The following TLN2 variants were observed in gnomAD, a reference collection of about 807,000 sequenced individuals.
TLN2 encodes the protein talin-2.
In TLN2, 118 loss-of-function variants were observed where a neutral mutation model predicts 294.7. That is an observed-to-expected ratio of 0.40 (90% CI 0.34 to 0.47). The LOEUF (loss-of-function observed/expected upper bound fraction) is 0.47. TLN2 is among the 20% of genes least tolerant of loss of function. The pLI, the probability that TLN2 is intolerant of heterozygous loss-of-function variation, is 0.84. For synonymous variants in TLN2, 1,431 were observed against 1,304.5 expected (o/e 1.10, Z -2.09); for missense variants, 3,083 against 3,282.2 (o/e 0.94, Z 1.48).
chr15:62,804,930 C>G (rs143882102), intron 50 of TLN2, among the ~76,000 whole-genome samples: 1 of 152,038 alleles, frequency 6.6e-6, no homozygotes, highest in South Asian at 2.1e-4. Context: ...TGTTAGAGAG[C>G]CAGAACAGAT....
intron 54 of TLN2, chr15:62,827,580 T>G (rs1596153887): frequency 6.6e-6 from 1 of 152,326 alleles, no homozygotes; most frequent in African/African-American, 2.4e-5. Flanking sequence ...GGTTGGGTGC[T>G]GAGAGAGGAG....
rs368916768 is a variant in TLN2 at position 62,510,489 on chromosome 15, T to G, written c.-237-79198T>G. On this transcript the variant is annotated intron_variant, in intron 1 of 58. Transcript: ENST00000636159. Reference sequence around the variant, plus strand: ...TAGGTATATGATGATAATATATGTATCATATTTAAATCTTGCCCAACACAT... The same window carrying G: ...TAGGTATATGATGATAATATATGTAGCATATTTAAATCTTGCCCAACACAT... Among the ~76,000 whole-genome samples the G allele has an allele frequency of 1.6e-4, 24 of 152,378 alleles. No homozygotes were observed. In the South Asian group the frequency reaches 5.0e-3, roughly 32 times the overall value.
intron 41 of TLN2, among the ~76,000 whole-genome samples, chr15:62,767,500 C>T (rs531157053): frequency 2.6e-5 from 4 of 152,230 alleles, no homozygotes; most frequent in South Asian, 2.1e-4. Context: ...CACCACCATG[C>T]CCGGCTAATT....
intron 10 of TLN2, among the ~76,000 whole-genome samples, chr15:62,674,860 A>G (rs1292602986): frequency 1.3e-5 from 2 of 152,230 alleles, no homozygotes; most frequent in Non-Finnish European, 2.9e-5. Context: ...TTTTCTTGGT[A>G]TCATTTAAAG....
chr15:62,419,107 C>A (rs953744777), intron 1 of TLN2, among the ~76,000 whole-genome samples: 4 of 152,062 alleles, frequency 2.6e-5, no homozygotes, highest in African/African-American at 9.7e-5. Flanking sequence ...GAGATATGTG[C>A]TGTAAATGTA....
At chr15:62,777,335 G>A (rs935731623) in intron 43 of TLN2, among the ~76,000 whole-genome samples, 8 of 152,052 alleles carry the variant, frequency 5.3e-5, no homozygotes, top group South Asian at 2.1e-4. Context: ...TCGGGAGTTC[G>A]AGACCAGCCT....
At chr15:62,737,557 G>A (rs555166927) in intron 29 of TLN2, among the ~76,000 whole-genome samples, 3 of 152,338 alleles carry the variant, frequency 2.0e-5, no homozygotes, top group Admixed American at 6.5e-5. Context: ...TGGACGTGGG[G>A]CTGGGAAGGA....
intron 1 of TLN2, among the ~76,000 whole-genome samples, chr15:62,432,144 T>A (rs183558512): frequency 6.6e-6 from 1 of 152,352 alleles, no homozygotes; most frequent in African/African-American, 2.4e-5. Context: ...TTTTACTTTT[T>A]ATTAGTGTAT....
intron 1 of TLN2, among the ~76,000 whole-genome samples, chr15:62,446,178 T>C (rs769439151): frequency 1.8e-4 from 28 of 151,924 alleles, no homozygotes; most frequent in Non-Finnish European, 3.2e-4. Context: ...CGCTAATTTT[T>C]TGGTAGAGAC....
At chr15:62,419,765 C>G (rs1264016203) in intron 1 of TLN2, among the ~76,000 whole-genome samples, 1 of 151,974 alleles carries the variant, frequency 6.6e-6, no homozygotes, top group Admixed American at 6.6e-5. Flanking sequence ...TCCTCCTAAG[C>G]AGCTGGGACT....
At chr15:62,591,193 C>T (rs949198178) in intron 2 of TLN2, among the ~76,000 whole-genome samples, 1 of 152,056 alleles carries the variant, frequency 6.6e-6, no homozygotes, top group Non-Finnish European at 1.5e-5. Flanking sequence ...CTAAATTTGT[C>T]TTTAGATTGT....
At chr15:62,644,499 C>G (rs933157075) in intron 3 of TLN2, 2 of 455,956 alleles carry the variant, frequency 4.4e-6, no homozygotes, top group African/African-American at 4.0e-5. Flanking sequence ...CCACTGAATA[C>G]CTCTCAAGGA....
At chr15:62,561,329 A>G (rs1265652116) in intron 1 of TLN2, 1 of 152,216 alleles carries the variant, frequency 6.6e-6, no homozygotes, top group Non-Finnish European at 1.5e-5. Flanking sequence ...AAGGAATGTA[A>G]CACACCCCGC....
intron 1 of TLN2, among the ~76,000 whole-genome samples, chr15:62,574,210 C>G (rs1444095863): frequency 6.6e-6 from 1 of 151,656 alleles, no homozygotes; most frequent in African/African-American, 2.4e-5. Context: ...TTGTGCATAG[C>G]TGATGCTTAG....
At chr15:62,478,627 G>A (rs2037917285) in intron 1 of TLN2, among the ~76,000 whole-genome samples, 2 of 152,154 alleles carry the variant, frequency 1.3e-5, no homozygotes, top group Admixed American at 1.3e-4. Flanking sequence ...CCAGTGCCAA[G>A]ACCTAGTCCT....
At chr15:62,429,143 G>T (rs891834605) in intron 1 of TLN2, among the ~76,000 whole-genome samples, 34 of 150,920 alleles carry the variant, frequency 2.3e-4, no homozygotes, top group African/African-American at 8.3e-4. Context: ...GGGGGGTAGT[G>T]GTGAGCCCTA....
At chr15:62,762,758 A>G (rs1252603018) in intron 39 of TLN2, among the ~76,000 whole-genome samples, 2 of 152,196 alleles carry the variant, frequency 1.3e-5, no homozygotes, top group Non-Finnish European at 2.9e-5. Context: ...AATTTGGGTA[A>G]TATCCCCAAG....
At chr15:62,672,823 C>T (rs992893515) in intron 9 of TLN2, among the ~76,000 whole-genome samples, 2 of 152,070 alleles carry the variant, frequency 1.3e-5, no homozygotes, top group African/African-American at 4.8e-5. Context: ...GTGCTTGTTC[C>T]TGGCCTTTAA....
intron 16 of TLN2, 53 bp from the exon 17 acceptor site, chr15:62,701,053 C>T: frequency 1.3e-6 from 2 of 1,502,724 alleles, no homozygotes; most frequent in Non-Finnish European, 1.8e-6. Context: ...CTTCTCCGGT[C>T]TCCTGGGTAA....
Sources: gnomAD v4.1 joint callset for allele counts (sites outside exome capture counted in the v4.1 genomes callset) on GRCh38, gnomAD v4.1.1 for gene constraint, MANE v1.5 for transcripts, NCBI Gene and HGNC (gene_info 2026-07-23, HGNC 2026-07-21) for gene names.